Variants in DHX58 observed in about 807,000 individuals in gnomAD.
The protein encoded by DHX58 is ATP-dependent RNA helicase DHX58.
In DHX58, 51 loss-of-function variants were observed where a neutral mutation model predicts 65.0. The observed-to-expected ratio is 0.78, with a 90% confidence interval of 0.63 to 0.99. The LOEUF (loss-of-function observed/expected upper bound fraction) is 0.99, where lower values mean the gene tolerates loss of function less well. Ranked by LOEUF, DHX58 falls within the 50% of genes least tolerant of loss-of-function variation. The pLI is 0.00. For synonymous variants in DHX58, 350 were observed against 365.0 expected (o/e 0.96, Z 0.47); for missense variants, 773 against 891.8 (o/e 0.87, Z 1.70).
Position 42,107,794 on chromosome 17 carries a change from C to A in DHX58, c.807G>T (p.Ala269=). The change falls in exon 8 of 14, where the codon GCG becomes GCT. Residue 269 remains alanine, a splice_region_variant and synonymous_variant. Coordinates refer to ENST00000251642, the MANE Select transcript of DHX58 (RefSeq NM_024119.3). ...GTTGCTCCTGAAGCCCAGCCAAAGC[C>A]GCTGCGGGAAGAGGGCGCAGGGTCT... is the stretch of plus-strand genomic sequence containing the variant. ...EQQVVKLSEA[A]ALAGLQEQRV... is the part of the protein sequence containing the mutation. 6.4e-7 allele frequency: 1 copy of A among 1,571,468 alleles called. No individual in the cohort carries two copies. The highest frequency in any genetic ancestry group is 8.6e-7 in the Non-Finnish European group (1 of 1,157,408).
Position 42,101,791 on chromosome 17 carries a change from G to T in DHX58, c.2007C>A (p.Ala669=), listed in dbSNP as rs145954849. The part of the protein sequence containing the change: ...VPDFDFLQHC[A]ENLSDLSLD ...CCAGGGAGAGGTCCGACAAGTTCTCGGCACAATGCTGCAGGAAGTCAAAGT... is the reference window on the plus strand; with the variant it reads ...CCAGGGAGAGGTCCGACAAGTTCTCTGCACAATGCTGCAGGAAGTCAAAGT... The change falls in exon 14 of 14, where the codon GCC becomes GCA. Residue 669 remains alanine, a synonymous_variant. Coordinates refer to ENST00000251642, the MANE Select transcript of DHX58 (RefSeq NM_024119.3). 6 of 1,614,196 alleles carry T rather than the reference G, an allele frequency of 3.7e-6. No individual in the cohort carries two copies. In the East Asian group the frequency reaches 1.3e-4, roughly 36 times the overall value.
chr17:42,112,574 T>TGGGGG (rs782778800), intron 1 of DHX58, 31 bp downstream of exon 1: 2 of 76,716 alleles, frequency 2.6e-5, no homozygotes, highest in African/African-American at 4.7e-5. Flanking sequence ...AAGGTGGGGG[T>TGGGGG]GGGGGGGGGT....
chr17:42,108,415 C>T (rs561704928), intron 6 of DHX58, among the ~76,000 whole-genome samples: 1 of 152,320 alleles, frequency 6.6e-6, no homozygotes, highest in South Asian at 2.1e-4. Flanking sequence ...GGGGGGCAGG[C>T]ACGTACTCCA....
chr17:42,107,070 A>G (rs1461025667), intron 8 of DHX58, among the ~76,000 whole-genome samples: 1 of 152,166 alleles, frequency 6.6e-6, no homozygotes, highest in East Asian at 1.9e-4. Flanking sequence ...TAATCCTTTT[A>G]AAAAATCTGG....
At chr17:42,109,005 G>T (rs1322644363) in intron 6 of DHX58, among the ~76,000 whole-genome samples, 5 of 152,234 alleles carry the variant, frequency 3.3e-5, no homozygotes, top group African/African-American at 1.2e-4. Flanking sequence ...TCAGCACAAA[G>T]TATCCCTGCT....
Position 42,101,974 on chromosome 17 carries a change from C to T in DHX58, c.1852-28G>A, listed in dbSNP as rs144364815. ...GGAGGTGAGACAGAGAGGGTAGGGT[C>T]TGGGTCTCTGGCCTCAGACTGGGCT... On this transcript the variant is annotated intron_variant, in intron 13 of 13. Coordinates refer to ENST00000251642, the MANE Select transcript of DHX58 (RefSeq NM_024119.3). 5,072 of 1,579,940 alleles carry T rather than the reference C, an allele frequency of 3.2e-3. 10 individuals carry two copies. Among genetic ancestry groups the T allele is most frequent in the Middle Eastern group, 7.5e-3 (45 of 5,982 alleles).
chr17:42,105,628 T>C, intron 9 of DHX58, 108 bp downstream of exon 9: 1 of 1,473,452 alleles, frequency 6.8e-7, no homozygotes, highest in Non-Finnish European at 8.9e-7. Flanking sequence ...ACTTTCTCTT[T>C]CCCCAGGGTC....
intron 1 of DHX58, 31 bp downstream of exon 1, chr17:42,112,574 T>TC (rs2054176832): frequency 1.3e-5 from 1 of 76,720 alleles, no homozygotes; most frequent in African/African-American, 4.7e-5. Context: ...AAGGTGGGGG[T>TC]GGGGGGGGGT....
chr17:42,102,216 C>T lies in DHX58; in HGVS notation c.1851G>A (p.Glu617=). The change falls in exon 13 of 14, where the codon GAG becomes GAA. Residue 617 remains glutamate (E), a splice_region_variant and synonymous_variant. Transcript: ENST00000251642. ...CCTGGGACGTGGCCTAAGCTCTTAC[C>T]TCCCCACAGTTCCTGCAGCTGATGA... ...GGVISCRNCG[E]VWGLQMIYKS... 1.2e-6 allele frequency: 2 copies of T among 1,614,156 alleles called. No homozygotes were observed. Among genetic ancestry groups the T allele is most frequent in the South Asian group, 1.1e-5 (1 of 91,090 alleles).
At chr17:42,108,136 T>A in intron 6 of DHX58, 28 bp from the exon 7 acceptor site, 1 of 1,614,030 alleles carries the variant, frequency 6.2e-7, no homozygotes, top group South Asian at 1.1e-5. Context: ...TGGAGGGGAT[T>A]CCCATACACG....
Position 42,110,824 on chromosome 17 carries a change from G to C in DHX58, c.460C>G (p.Leu154Val), listed in dbSNP as rs1405343086. The change falls in exon 5 of 14, where the codon CTC becomes GTC. Residue 154 changes from leucine to valine, a missense_variant. Transcript: ENST00000251642. ...VIMSQYLELK[L>V]QRAQPLPQVL... is the part of the protein sequence containing the mutation. ...TGGGGTAGCGGCTGTGCCCTCTGGAGTTTAAGTTCTAGGTACTGGCTCATG... is the reference window on the plus strand; with the variant it reads ...TGGGGTAGCGGCTGTGCCCTCTGGACTTTAAGTTCTAGGTACTGGCTCATG... The C allele has an allele frequency of 1.2e-6, 2 of 1,614,098 alleles. No individual in the cohort carries two copies. The highest frequency in any genetic ancestry group is 1.7e-6 in the Non-Finnish European group (2 of 1,179,990).
rs2054053351 is a variant in DHX58 at position 42,106,056 on chromosome 17, G to A, written c.998-67C>T. The A allele has an allele frequency of 5.9e-6, 9 of 1,534,222 alleles. 1 individual carries two copies. In the South Asian group the frequency reaches 1.1e-4, roughly 19 times the overall value. On this transcript the variant is annotated intron_variant, in intron 8 of 13. Coordinates refer to ENST00000251642, the MANE Select transcript of DHX58 (RefSeq NM_024119.3). ...GTCTGTAGTCCCAGATACTTGGGAG[G>A]CTGAGGGCAGAAGGATCGCTTAAGC...
chr17:42,103,482 C>A, intron 12 of DHX58, 126 bp downstream of exon 12: 1 of 1,234,108 alleles, frequency 8.1e-7, no homozygotes, highest in Non-Finnish European at 1.1e-6. Context: ...ACCTGTCTAA[C>A]CAGATTATTG....
chr17:42,102,185 CTG>C (rs2053989266), intron 13 of DHX58, 29 bp downstream of exon 13: 3 of 1,611,594 alleles, frequency 1.9e-6, no homozygotes, highest in Non-Finnish European at 2.5e-6. Flanking sequence ...GCTGAGGACT[CTG>C]GGGCCTGGGA....
chr17:42,110,950 G>A (rs1555664005), intron 4 of DHX58, 37 bp from the exon 5 acceptor site: 1 of 1,546,308 alleles, frequency 6.5e-7, no homozygotes, highest in Non-Finnish European at 8.7e-7. Context: ...ACCTATGTTT[G>A]CAAAGCCCTT....
intron 6 of DHX58, among the ~76,000 whole-genome samples, chr17:42,109,032 A>T (rs2054108656): frequency 6.6e-6 from 1 of 152,038 alleles, no homozygotes; most frequent in Admixed American, 6.6e-5. Context: ...TTTGTAGTGC[A>T]CTCCCCAGCA....
At position 42,103,780 on chromosome 17, in the gene DHX58, C is replaced by T; in HGVS notation, c.1582G>A (p.Ala528Thr). ...YQAKIRDLQQ[A>T]ALTKRAAQAA... The stretch of plus-strand genomic sequence containing the variant: ...TGGGCCGCCCGCTTGGTCAAGGCTG[C>T]CTGCTGCAGATCCCGGATCTGGGGT... The change falls in exon 12 of 14, where the codon GCA becomes ACA. Residue 528 changes from alanine to threonine, a missense_variant. Ala to Thr is a moderately conservative substitution (Grantham distance 58). Coordinates refer to ENST00000251642, the MANE Select transcript of DHX58 (RefSeq NM_024119.3). 2 of 1,608,066 alleles carry T rather than the reference C, an allele frequency of 1.2e-6. No individual in the cohort carries two copies. Among genetic ancestry groups the T allele is most frequent in the Non-Finnish European group, 8.5e-7 (1 of 1,179,556 alleles).
At chr17:42,111,227 G>A in intron 4 of DHX58, 69 bp downstream of exon 4, 1 of 1,549,006 alleles carries the variant, frequency 6.5e-7, no homozygotes, top group South Asian at 1.2e-5. Flanking sequence ...GACTCCAGGA[G>A]GTGCCCTGGG....
intron 12 of DHX58, 72 bp from the exon 13 acceptor site, chr17:42,102,384 G>T: frequency 7.4e-7 from 1 of 1,359,602 alleles, no homozygotes; most frequent in Non-Finnish European, 1.1e-6. Flanking sequence ...CCTCCTGCCG[G>T]CCAAGTCTCT....
Sources: gnomAD v4.1 joint callset for allele counts (sites outside exome capture counted in the v4.1 genomes callset) on GRCh38, gnomAD v4.1.1 for gene constraint, MANE v1.5 for transcripts, NCBI Gene and HGNC (gene_info 2026-07-23, HGNC 2026-07-21) for gene names.